The following CNTN5 variants were observed in gnomAD, a reference collection of about 807,000 sequenced individuals.
CNTN5 encodes contactin-5.
Under a neutral mutation model 129.1 loss-of-function variants are expected in CNTN5, and 77 were observed. The ratio of observed to expected loss-of-function variants is 0.60; its 90% CI spans 0.50 to 0.72. The LOEUF is 0.72. Ranked by LOEUF, CNTN5 falls within the 30% of genes least tolerant of loss-of-function variation. CNTN5 has a pLI of 0.00. For synonymous variants in CNTN5, 509 were observed against 465.6 expected (o/e 1.09, Z -1.20); for missense variants, 1,478 against 1,328.8 (o/e 1.11, Z -1.75).
chr11:99,210,679 A>G (rs544094215), intron 1 of CNTN5, among the ~76,000 whole-genome samples: 5 of 152,224 alleles, frequency 3.3e-5, no homozygotes, highest in Admixed American at 3.3e-4. Flanking sequence ...TTTTGTTTAA[A>G]TCAAATCCAG....
rs147951104 is a variant in CNTN5, at chr11:99,753,161, C to T, written c.56-66383C>T. 6.7e-3 allele frequency among the ~76,000 whole-genome samples: 754 copies of T among 111,930 alleles called. 13 individuals carry two copies. The highest frequency in any genetic ancestry group is 0.063 in the East Asian group (207 of 3,290). The allele number at this position is 111,930 out of a possible 152,430, so 73.4% of individuals were successfully genotyped here. A position where few individuals can be genotyped will look rare whatever the true frequency, so the allele number is the denominator to read the frequency against. On this transcript the variant is annotated intron_variant, in intron 3 of 24. Transcript: ENST00000524871. ...TTTTTGAGATGGAGTCTCGCTTTGT[C>T]GCCCAGGCTGGAGTACGGTGGCGAG...
chr11:99,812,788 A>T (rs1292375006), intron 3 of CNTN5, among the ~76,000 whole-genome samples: 2 of 152,178 alleles, frequency 1.3e-5, no homozygotes, highest in Non-Finnish European at 2.9e-5. Flanking sequence ...GGATATATGC[A>T]TCGTAGCCAA....
intron 3 of CNTN5, among the ~76,000 whole-genome samples, chr11:99,689,385 G>A (rs1953936540): frequency 6.6e-6 from 1 of 151,900 alleles, no homozygotes; most frequent in African/African-American, 2.4e-5. Context: ...AAATTAGCTG[G>A]GCGTGGTGGT....
intron 6 of CNTN5, among the ~76,000 whole-genome samples, chr11:99,850,496 A>G (rs1947838774): frequency 6.6e-6 from 1 of 152,188 alleles, no homozygotes; most frequent in South Asian, 2.1e-4. Flanking sequence ...AATTGTTTTT[A>G]AAGTTTCATT....
chr11:99,102,572 C>T (rs554708691), intron 1 of CNTN5, among the ~76,000 whole-genome samples: 17 of 152,108 alleles, frequency 1.1e-4, no homozygotes, highest in Non-Finnish European at 2.2e-4. Flanking sequence ...ATCTCTAGGG[C>T]AGGGGCAAAA....
intron 1 of CNTN5, among the ~76,000 whole-genome samples, chr11:99,088,121 A>C (rs1866075418): frequency 6.6e-6 from 1 of 152,026 alleles, no homozygotes; most frequent in African/African-American, 2.4e-5. Flanking sequence ...CAACTATTTC[A>C]CCTCTTCTAG....
intron 13 of CNTN5, among the ~76,000 whole-genome samples, chr11:100,127,071 G>C (rs1467576695): frequency 3.3e-5 from 5 of 149,948 alleles, no homozygotes; most frequent in Non-Finnish European, 7.4e-5. Context: ...TGGGATTACA[G>C]GTGCACACCA....
chr11:99,171,287 TAG>T (rs576529892), intron 1 of CNTN5, among the ~76,000 whole-genome samples: 7 of 152,194 alleles, frequency 4.6e-5, no homozygotes, highest in East Asian at 1.9e-4. Flanking sequence ...AAAATTTGCA[TAG>T]AGAGTGATGT....
chr11:99,596,528 C>T (rs1312175587), intron 3 of CNTN5, among the ~76,000 whole-genome samples: 1 of 152,128 alleles, frequency 6.6e-6, no homozygotes, highest in Non-Finnish European at 1.5e-5. Flanking sequence ...AGGGAAAAAG[C>T]TCATAAGCTT....
chr11:99,532,014 C>T (rs183423406), intron 2 of CNTN5, among the ~76,000 whole-genome samples: 6 of 152,170 alleles, frequency 3.9e-5, no homozygotes, highest in African/African-American at 7.2e-5. Flanking sequence ...CCACTGTCCT[C>T]CAGACCCTAG....
intron 3 of CNTN5, among the ~76,000 whole-genome samples, chr11:99,651,359 A>T (rs1288389094): frequency 6.6e-6 from 1 of 151,878 alleles, no homozygotes; most frequent in Non-Finnish European, 1.5e-5. Flanking sequence ...CAGATGAGAA[A>T]AGGTTAAAAA....
rs371755605 is a variant in CNTN5, at chr11:99,956,856, G to T, written c.724G>T (p.Asp242Tyr). 2.0e-5 allele frequency: 33 copies of T among 1,613,822 alleles called. No individual in the cohort carries two copies. Among genetic ancestry groups the T allele is most frequent in the Non-Finnish European group, 2.6e-5 (31 of 1,179,872 alleles). ...TGAGTTCCCTTCCTTTGTGGCGGAA[G>T]ACAGCCGGCGGTTCATCTCCCAGGA... ...FNEFPSFVAE[D>Y]SRRFISQETG... The change falls in exon 8 of 25, where the codon GAC (aspartate) becomes TAC (tyrosine). Residue 242 changes from aspartate (D) to tyrosine (Y), a missense_variant. Transcript: ENST00000524871.
intron 18 of CNTN5, among the ~76,000 whole-genome samples, chr11:100,288,249 C>T (rs1950849019): frequency 6.6e-6 from 1 of 152,006 alleles, no homozygotes; most frequent in Admixed American, 6.5e-5. Flanking sequence ...AGCTCTGTAC[C>T]AAGTGGACCT....
chr11:99,841,818 ATGTGTG>A, intron 4 of CNTN5, among the ~76,000 whole-genome samples: 1 of 143,586 alleles, frequency 7.0e-6, no homozygotes, highest in Admixed American at 7.0e-5. Context: ...GTGTGTATAT[ATGTGTG>A]TATATATATA....
At chr11:99,045,824 C>T (rs1424907290) in intron 1 of CNTN5, among the ~76,000 whole-genome samples, 1 of 152,042 alleles carries the variant, frequency 6.6e-6, no homozygotes, top group African/African-American at 2.4e-5. Context: ...CATTGAAAAC[C>T]AGTGGTAACA....
At chr11:99,676,891 T>C (rs964831429) in intron 3 of CNTN5, among the ~76,000 whole-genome samples, 6 of 152,174 alleles carry the variant, frequency 3.9e-5, no homozygotes, top group African/African-American at 1.4e-4. Flanking sequence ...CGGATCTTCT[T>C]GTATGCTAAT....
intron 2 of CNTN5, among the ~76,000 whole-genome samples, chr11:99,477,383 A>G (rs1162810469): frequency 6.6e-6 from 1 of 151,992 alleles, no homozygotes; most frequent in Non-Finnish European, 1.5e-5. Flanking sequence ...TCTTCATTGT[A>G]TAACTAAACT....
intron 2 of CNTN5, among the ~76,000 whole-genome samples, chr11:99,478,310 G>T (rs929389603): frequency 6.6e-6 from 1 of 152,004 alleles, no homozygotes; most frequent in African/African-American, 2.4e-5. Context: ...GTTTCTTTTG[G>T]GTTGCTGGAC....
At chr11:99,519,187 G>A (rs1947175226) in intron 2 of CNTN5, among the ~76,000 whole-genome samples, 1 of 151,810 alleles carries the variant, frequency 6.6e-6, no homozygotes, top group African/African-American at 2.4e-5. Context: ...GTTCTCTGTG[G>A]AATTCCCTTT....
Sources: allele counts gnomAD v4.1 joint callset (sites outside exome capture counted in the v4.1 genomes callset), GRCh38; gene constraint gnomAD v4.1.1; transcripts MANE v1.5; gene names NCBI Gene and HGNC (gene_info 2026-07-23, HGNC 2026-07-21).